MCC: variants seen among roughly 807,000 people sequenced by gnomAD.
MCC encodes the protein MCC regulator of Wnt signaling pathway, also known as colorectal mutant cancer protein.
Under a neutral mutation model 116.2 loss-of-function variants are expected in MCC, and 90 were observed. The observed-to-expected ratio is 0.77, with a 90% confidence interval of 0.65 to 0.92. The LOEUF is 0.92. Ranked by LOEUF, MCC falls within the 40% of genes least tolerant of loss-of-function variation. The pLI is 0.00. For synonymous variants in MCC, 578 were observed against 510.5 expected (o/e 1.13, Z -1.78); for missense variants, 1,516 against 1,312.2 (o/e 1.16, Z -2.40).
chr5:113,357,714 G>C (rs1275159658), intron 2 of MCC, among the ~76,000 whole-genome samples: 2 of 152,158 alleles, frequency 1.3e-5, no homozygotes, highest in African/African-American at 4.8e-5. Context: ...ACTGGTAACG[G>C]AAGAACGCCT....
chr5:113,267,823 A>T (rs535817955), intron 3 of MCC, among the ~76,000 whole-genome samples: 42 of 152,340 alleles, frequency 2.8e-4, no homozygotes, highest in African/African-American at 9.6e-4. Flanking sequence ...AAACCACGGA[A>T]TTGTATACCT....
chr5:113,151,999 C>T (rs1458446143), intron 3 of MCC, among the ~76,000 whole-genome samples: 1 of 152,080 alleles, frequency 6.6e-6, no homozygotes, highest in Non-Finnish European at 1.5e-5. Context: ...TCTTTGCCTC[C>T]CCACTTCCCC....
chr5:113,375,060 CA>C (rs1289755964), intron 2 of MCC, among the ~76,000 whole-genome samples: 2 of 151,746 alleles, frequency 1.3e-5, no homozygotes, highest in Non-Finnish European at 2.9e-5. Context: ...CACACCCAAC[CA>C]CAGCTATGTA....
rs551798210 is a variant in MCC, at chr5:113,300,139, C to T, written c.627+40380G>A. On this transcript the variant is annotated intron_variant, in intron 3 of 18. Coordinates refer to ENST00000408903, the MANE Select transcript of MCC (RefSeq NM_001085377.2). ...ACATGGCAGAAACTCTATTCTGGGT[C>T]TGGTCTGTACCCTCTACTGGTGATA... Among the ~76,000 whole-genome samples the T allele has an allele frequency of 4.6e-5, 7 of 152,270 alleles. No individual in the cohort carries two copies. The South Asian group carries it at 1.5e-3, about 32-fold the overall frequency.
chr5:113,200,636 T>G (rs992025860), intron 3 of MCC, among the ~76,000 whole-genome samples: 1 of 152,168 alleles, frequency 6.6e-6, no homozygotes. Flanking sequence ...CCTTCTCCAC[T>G]GAGAAACATA....
intron 3 of MCC, among the ~76,000 whole-genome samples, chr5:113,190,261 A>G (rs1762088252): frequency 6.6e-6 from 1 of 152,214 alleles, no homozygotes; most frequent in Non-Finnish European, 1.5e-5. Flanking sequence ...CTAAACTGGT[A>G]GGGCTCTAAC....
chr5:113,313,969 G>A (rs1383287937), intron 3 of MCC, among the ~76,000 whole-genome samples: 1 of 152,028 alleles, frequency 6.6e-6, no homozygotes, highest in Non-Finnish European at 1.5e-5. Context: ...CACAGGTGCA[G>A]GCCACCATGC....
At chr5:113,086,306 G>GGGGGGTGAGAGTC (rs11269973) in intron 8 of MCC, among the ~76,000 whole-genome samples, 68,463 of 151,502 alleles carry the variant, frequency 0.45, 17,050 homozygotes, top group African/African-American at 0.68. Flanking sequence ...TGATATGCCT[G>GGGGGGTGAGAGTC]GGGGGTTGAA....
intron 2 of MCC, among the ~76,000 whole-genome samples, chr5:113,341,953 G>A (rs1174234145): frequency 3.3e-5 from 5 of 152,000 alleles, no homozygotes; most frequent in Admixed American, 6.6e-5. Context: ...AACAGTGTAC[G>A]CTGTGCCCAA....
chr5:113,151,380 C>A lies in MCC; in HGVS notation c.670G>T (p.Glu224Ter), dbSNP rs1435353262. ...GTTTGCTGGAGACGTTTATTAAGTT[C>A]CACTATATCTCCCTTTAGTGATGCC... ...ALASLKGDIV[E>*]LNKRLQQTER... The change falls in exon 4 of 19, where the codon GAA (glutamate) becomes TAA (stop). Residue 224 changes from glutamate to a stop codon, truncating the protein, a stop_gained. Coordinates refer to ENST00000408903, the MANE Select transcript of MCC (RefSeq NM_001085377.2). LOFTEE classifies it high-confidence loss of function. 3 of 1,613,436 alleles carry A rather than the reference C, an allele frequency of 1.9e-6. No individual in the cohort carries two copies. Among genetic ancestry groups the A allele is most frequent in the Non-Finnish European group, 2.5e-6 (3 of 1,179,716 alleles).
At chr5:113,450,118 T>C (rs72792179) in intron 1 of MCC, among the ~76,000 whole-genome samples, 28,349 of 152,068 alleles carry the variant, frequency 0.19, 3,147 homozygotes, top group Admixed American at 0.31. Context: ...ATGTCCACAC[T>C]CCCCTAAGTC....
chr5:113,197,340 G>T (rs775115609), intron 3 of MCC, among the ~76,000 whole-genome samples: 1 of 152,132 alleles, frequency 6.6e-6, no homozygotes, highest in East Asian at 1.9e-4. Flanking sequence ...GGAGAGGATA[G>T]GTAGGTAGCG....
At chr5:113,188,931 A>G (rs1352404688) in intron 3 of MCC, among the ~76,000 whole-genome samples, 1 of 152,226 alleles carries the variant, frequency 6.6e-6, no homozygotes, top group African/African-American at 2.4e-5. Context: ...ATAAATGAGA[A>G]ATGGATACTA....
intron 17 of MCC, among the ~76,000 whole-genome samples, chr5:113,042,918 A>G (rs1751817295): frequency 6.6e-6 from 1 of 152,176 alleles, no homozygotes; most frequent in African/African-American, 2.4e-5. Context: ...GAAAATTTAC[A>G]AGTACATATG....
intron 1 of MCC, among the ~76,000 whole-genome samples, chr5:113,399,305 G>GA (rs1385037413): frequency 2.6e-5 from 4 of 152,088 alleles, no homozygotes. Flanking sequence ...CTAACAAGGT[G>GA]AAACCCTGTC....
chr5:113,294,392 C>A, intron 3 of MCC: 1 of 1,613,518 alleles, frequency 6.2e-7, no homozygotes, highest in Non-Finnish European at 8.5e-7. Context: ...TCATGATGCA[C>A]TTTTCAGAGC....
At chr5:113,475,670 A>G (rs1772217953) in intron 1 of MCC, among the ~76,000 whole-genome samples, 1 of 152,224 alleles carries the variant, frequency 6.6e-6, no homozygotes, top group Non-Finnish European at 1.5e-5. Context: ...GAGTCTCTCC[A>G]GCTGAGACTC....
intron 3 of MCC, among the ~76,000 whole-genome samples, chr5:113,157,661 C>T (rs1760247873): frequency 6.6e-6 from 1 of 152,212 alleles, no homozygotes; most frequent in African/African-American, 2.4e-5. Flanking sequence ...TTAACACTCA[C>T]TGCCAGCGTG....
intron 16 of MCC, 64 bp from the exon 17 acceptor site, chr5:113,043,694 C>G: frequency 3.3e-6 from 4 of 1,213,172 alleles, no homozygotes; most frequent in Non-Finnish European, 4.8e-6. Context: ...TGGAAGCCTG[C>G]AGCAGAGCGC....
Sources: gnomAD v4.1 joint callset for allele counts (sites outside exome capture counted in the v4.1 genomes callset) on GRCh38, gnomAD v4.1.1 for gene constraint, MANE v1.5 for transcripts, NCBI Gene and HGNC (gene_info 2026-07-23, HGNC 2026-07-21) for gene names.